Variants in TNFSF12 observed in about 807,000 individuals in gnomAD.
TNFSF12 encodes the protein TNF superfamily member 12.
In TNFSF12, 16 loss-of-function variants were observed where a neutral mutation model predicts 31.2. The ratio of observed to expected loss-of-function variants is 0.51; its 90% confidence interval spans 0.35 to 0.78. TNFSF12 has a LOEUF of 0.78. Ranked by LOEUF, TNFSF12 falls within the 30% of genes least tolerant of loss-of-function variation. The probability of loss-of-function intolerance (pLI) is 0.01; values close to 1 mark genes in which losing one functional copy is unlikely to be tolerated. For missense variants in TNFSF12, 324 were observed against 338.8 expected (o/e 0.96, Z 0.34); for synonymous variants, 150 against 151.4 (o/e 0.99, Z 0.07).
intron 5 of TNFSF12, 70 bp downstream of exon 5, chr17:7,551,048 A>C: frequency 1.2e-6 from 2 of 1,605,008 alleles, no homozygotes; most frequent in Admixed American, 1.7e-5. Flanking sequence ...TTGACCTCCC[A>C]CTCCCTTCCC....
rs2070976199 is a variant in TNFSF12, at chr17:7,549,558, G to A, written c.207+37G>A. On this transcript the variant is annotated intron_variant, in intron 2 of 6. Coordinates refer to ENST00000293825, the MANE Select transcript of TNFSF12 (RefSeq NM_003809.3). This position sits in a 1 kb window ranked among gnomAD's most constrained non-coding sequence, Gnocchi z 4.1. Reference sequence around the variant, plus strand: ...TGGGCGCGGTCTGCAGGCTGCTGGGGCATGGGAAGTGTGCACAGCCGAGGC... The same window carrying A: ...TGGGCGCGGTCTGCAGGCTGCTGGGACATGGGAAGTGTGCACAGCCGAGGC... 5 of 1,518,194 alleles carry A rather than the reference G, an allele frequency of 3.3e-6. No homozygotes were observed. The highest frequency in any genetic ancestry group is 2.4e-5 in the East Asian group (1 of 40,924). 94.0% of individuals were successfully genotyped at this position (1,518,194 alleles called of 1,614,324 possible).
chr17:7,553,561 A>G (rs1373660757), intron 5 of TNFSF12: 2 of 1,103,162 alleles, frequency 1.8e-6, no homozygotes, highest in Admixed American at 4.6e-5. Context: ...TAAAAGGAAG[A>G]TACTCTAATT....
At position 7,557,104 on chromosome 17, in the gene TNFSF12, C is replaced by G; in HGVS notation, c.504C>G (p.His168Gln). ...GCCTGTTGTCCCCACCCCAGGTGCA[C>G]TTTGATGAGGGGAAGGCTGTCTACC... ...AGLYYLYCQV[H>Q]FDEGKAVYLK... The change falls in exon 7 of 7, where the codon CAC becomes CAG. Residue 168 changes from histidine (H) to glutamine (Q), a missense_variant. By Grantham distance (24) the His-to-Gln change is conservative. Coordinates refer to ENST00000293825, the MANE Select transcript of TNFSF12 (RefSeq NM_003809.3). The surrounding 1 kb of genome is among the most constrained non-coding windows in gnomAD (Gnocchi z 5.2). 1 of 1,610,964 alleles carries G rather than the reference C, an allele frequency of 6.2e-7. No individual in the cohort carries two copies. The highest frequency in any genetic ancestry group is 8.5e-7 in the Non-Finnish European group (1 of 1,177,916).
chr17:7,555,444 A>T (rs1007066540), intron 5 of TNFSF12, among the ~76,000 whole-genome samples: 1 of 152,192 alleles, frequency 6.6e-6, no homozygotes, highest in Admixed American at 6.5e-5. Flanking sequence ...TAGAGGAGCG[A>T]GATGGGGATG....
intron 5 of TNFSF12, among the ~76,000 whole-genome samples, chr17:7,555,745 A>G (rs4968211): frequency 0.9 from 137,529 of 151,994 alleles, 62,638 homozygotes; most frequent in Middle Eastern, 0.97. Context: ...GGAGGCTTGA[A>G]TATCCCCCTG....
chr17:7,555,990 T>TG (rs1183855899), intron 5 of TNFSF12, among the ~76,000 whole-genome samples: 1 of 137,826 alleles, frequency 7.3e-6, no homozygotes, highest in African/African-American at 2.6e-5. Flanking sequence ...TTGTTTTTTT[T>TG]TTTTTTTGGA....
At chr17:7,553,152 C>A (rs1459956547) in intron 5 of TNFSF12, among the ~76,000 whole-genome samples, 2 of 147,678 alleles carry the variant, frequency 1.4e-5, no homozygotes, top group South Asian at 2.2e-4. Flanking sequence ...CGGGTTCAAG[C>A]AATTCTCCTG....
intron 5 of TNFSF12, chr17:7,553,670 A>G (rs896586511): frequency 4.6e-6 from 6 of 1,304,096 alleles, no homozygotes; most frequent in Non-Finnish European, 6.1e-6. Context: ...GTGCCTGTGT[A>G]CTGGACATGG....
At chr17:7,556,236 C>A (rs1050624649) in intron 5 of TNFSF12, among the ~76,000 whole-genome samples, 6 of 152,092 alleles carry the variant, frequency 3.9e-5, no homozygotes, top group African/African-American at 1.4e-4. Flanking sequence ...CCACCTTGGC[C>A]TCTCAAAATG....
Position 7,549,228 on chromosome 17 carries a change from G to A in TNFSF12, c.75G>A (p.Ala25=). Residue 25 remains alanine (A), a synonymous_variant, in exon 1 of 7, where the codon GCG becomes GCA. Coordinates refer to ENST00000293825, the MANE Select transcript of TNFSF12 (RefSeq NM_003809.3). The surrounding 1 kb of genome is among the most constrained non-coding windows in gnomAD (Gnocchi z 4.1). ...GCACCGCCCTGCTGGTCCCGCTCGCGCTGGGCCTGGGCCTGGCGCTGGCCT... is the reference window on the plus strand; with the variant it reads ...GCACCGCCCTGCTGGTCCCGCTCGCACTGGGCCTGGGCCTGGCGCTGGCCT... ...EPGTALLVPL[A]LGLGLALACL... is the part of the protein sequence containing the mutation. The A allele has an allele frequency of 1.5e-6, 2 of 1,367,992 alleles. No homozygotes were observed. The highest frequency in any genetic ancestry group is 1.7e-5 in the South Asian group (1 of 58,376). The allele number at this position is 1,367,992 out of a possible 1,614,324, so 84.7% of individuals were successfully genotyped here.
chr17:7,556,936 A>T, intron 6 of TNFSF12, 34 bp downstream of exon 6: 1 of 1,528,550 alleles, frequency 6.5e-7, no homozygotes, highest in South Asian at 1.3e-5. Context: ...GTAACGCAGT[A>T]AGAGAGTGGC....
At chr17:7,555,394 T>TG (rs2150907708) in intron 5 of TNFSF12, among the ~76,000 whole-genome samples, 1 of 152,062 alleles carries the variant, frequency 6.6e-6, no homozygotes, top group South Asian at 2.1e-4. Context: ...ATGATGAGGC[T>TG]GGGGGACTCT....
rs1332645200 is a variant in TNFSF12, at chr17:7,550,321, C to G, written c.283+126C>G. 9 of 1,424,098 alleles carry G rather than the reference C, an allele frequency of 6.3e-6. No individual in the cohort carries two copies. In the East Asian group the frequency reaches 1.9e-4, roughly 30 times the overall value. The allele number at this position is 1,424,098 out of a possible 1,614,324, so 88.2% of individuals were successfully genotyped here. A position where few individuals can be genotyped will look rare whatever the true frequency, so the allele number is the denominator to read the frequency against. On this transcript the variant is annotated intron_variant, in intron 3 of 6. Coordinates refer to ENST00000293825, the MANE Select transcript of TNFSF12 (RefSeq NM_003809.3). This position sits in a 1 kb window ranked among gnomAD's most constrained non-coding sequence, Gnocchi z 4.4. ...TGCAGCTAACCAGCCAAGACTCAAA[C>G]CTAGGGATTCTCGCCCTCCTCTGAA... is the stretch of plus-strand genomic sequence containing the variant.
Position 7,550,071 on chromosome 17 carries a change from C to G in TNFSF12, c.208-49C>G, listed in dbSNP as rs1305113837. 6.2e-7 allele frequency: 1 copy of G among 1,613,856 alleles called. No individual in the cohort carries two copies. Among genetic ancestry groups the G allele is most frequent in the Non-Finnish European group, 8.5e-7 (1 of 1,179,864 alleles). On this transcript the variant is annotated intron_variant, in intron 2 of 6. Coordinates refer to ENST00000293825, the MANE Select transcript of TNFSF12 (RefSeq NM_003809.3). The surrounding 1 kb of genome is among the most constrained non-coding windows in gnomAD (Gnocchi z 4.4). ...CTCCTGACAGGCCCCGTATGTCTCA[C>G]TTTATATCTCTGGGAGTCTGTGGTT... is the stretch of plus-strand genomic sequence containing the variant.
In TNFSF12 at chr17:7,557,210, G is replaced by C. The variant is rs746979506; in HGVS notation, c.610G>C (p.Gly204Arg). ...CTCAGCCACTGCGGCGAGTTCCCTCGGGCCCCAGCTCCGCCTCTGCCAGGT... is the reference window on the plus strand; with the variant it reads ...CTCAGCCACTGCGGCGAGTTCCCTCCGGCCCCAGCTCCGCCTCTGCCAGGT... ...EFSATAASSL[G>R]PQLRLCQVSG... Residue 204 changes from glycine to arginine, a missense_variant, in exon 7 of 7, where the codon GGG (glycine) becomes CGG (arginine). By Grantham distance (125) the Gly-to-Arg change is moderately radical. Transcript: ENST00000293825. This position sits in a 1 kb window ranked among gnomAD's most constrained non-coding sequence, Gnocchi z 5.2. 3.1e-6 allele frequency: 5 copies of C among 1,611,972 alleles called. No homozygotes were observed. Among genetic ancestry groups the C allele is most frequent in the African/African-American group, 2.7e-5 (2 of 74,850 alleles).
chr17:7,551,832 G>A (rs1027126874), intron 5 of TNFSF12, among the ~76,000 whole-genome samples: 3 of 152,180 alleles, frequency 2.0e-5, no homozygotes, highest in African/African-American at 4.8e-5. Context: ...CTGTCACCCA[G>A]GCTGGAGTGC....
In TNFSF12 at chr17:7,550,277, T is replaced by C; in HGVS notation, c.283+82T>C. On this transcript the variant is annotated intron_variant, in intron 3 of 6. Transcript: ENST00000293825. This position sits in a 1 kb window ranked among gnomAD's most constrained non-coding sequence, Gnocchi z 4.4. The stretch of plus-strand genomic sequence containing the variant: ...CAGGGAGAAACTGAGGCACGGAGGG[T>C]GAAAGGAGTTCAGAGTCATGCAGCT... 1.9e-6 allele frequency: 3 copies of C among 1,602,312 alleles called. No individual in the cohort carries two copies. In the South Asian group the frequency reaches 3.3e-5, roughly 18 times the overall value.
chr17:7,556,773 T>C lies in TNFSF12; in HGVS notation c.374-5T>C. The C allele has an allele frequency of 6.6e-7, 1 of 1,507,470 alleles. No individual in the cohort carries two copies. Among genetic ancestry groups the C allele is most frequent in the Non-Finnish European group, 8.9e-7 (1 of 1,126,928 alleles). The allele number at this position is 1,507,470 out of a possible 1,614,324, so 93.4% of individuals were successfully genotyped here. A position where few individuals can be genotyped will look rare whatever the true frequency, so the allele number is the denominator to read the frequency against. ...GTTTCCTTATCTCTGAGCATCCGTG[T>C]TCAGGTGTGGACGGGACAGTGAGTG... On this transcript the variant is annotated splice_polypyrimidine_tract_variant and splice_region_variant and intron_variant, in intron 5 of 6. Transcript: ENST00000293825.
At chr17:7,555,985 T>TTTTTTTTTTTTTTTTTTTTTC in intron 5 of TNFSF12, among the ~76,000 whole-genome samples, 1 of 132,238 alleles carries the variant, frequency 7.6e-6, no homozygotes, top group Non-Finnish European at 1.7e-5. Flanking sequence ...TTTTTTTGTT[T>TTTTTTTTTTTTTTTTTTTTTC]TTTTTTTTTT....
Sources: gnomAD v4.1 joint callset for allele counts (sites outside exome capture counted in the v4.1 genomes callset) on GRCh38, gnomAD v4.1.1 for gene constraint, Gnocchi (gnomAD v3.1) non-coding constraint, MANE v1.5 for transcripts, NCBI Gene and HGNC (gene_info 2026-07-23, HGNC 2026-07-21) for gene names.